Variants in SLC43A1 observed in about 807,000 individuals in gnomAD.
SLC43A1 encodes large neutral amino acids transporter small subunit 3.
In SLC43A1, 31 loss-of-function variants were observed where a neutral mutation model predicts 59.5. The observed-to-expected ratio is 0.52, with a 90% CI of 0.39 to 0.70. SLC43A1 has a LOEUF of 0.70. Among genes scored for constraint, SLC43A1 ranks in the 30% least tolerant of loss-of-function variants. SLC43A1 has a pLI of 0.00. For missense variants in SLC43A1, 598 were observed against 717.8 expected (o/e 0.83, Z 1.91); for synonymous variants, 259 against 290.9 (o/e 0.89, Z 1.12).
At chr11:57,503,683 A>G (rs1944325229) in intron 2 of SLC43A1, among the ~76,000 whole-genome samples, 1 of 152,184 alleles carries the variant, frequency 6.6e-6, no homozygotes, top group South Asian at 2.1e-4. Context: ...GATATTTACT[A>G]TACAACAGCA....
intron 6 of SLC43A1, among the ~76,000 whole-genome samples, chr11:57,496,490 T>G (rs1032823621): frequency 6.6e-6 from 1 of 152,204 alleles, no homozygotes; most frequent in East Asian, 1.9e-4. Flanking sequence ...TCCACAAACA[T>G]TCATGTTCAT....
chr11:57,497,708 C>G, intron 6 of SLC43A1, 45 bp downstream of exon 6: 1 of 1,495,738 alleles, frequency 6.7e-7, no homozygotes, highest in Non-Finnish European at 9.3e-7. Flanking sequence ...CGGCCCCACC[C>G]GGTTCTTGTG....
intron 14 of SLC43A1, 85 bp downstream of exon 14, chr11:57,487,010 G>A: frequency 6.9e-7 from 1 of 1,454,746 alleles, no homozygotes; most frequent in South Asian, 1.2e-5. Context: ...GCTGAGATGA[G>A]TGAGGGATGG....
At chr11:57,499,256 A>G (rs1391216688) in intron 5 of SLC43A1, among the ~76,000 whole-genome samples, 2 of 151,728 alleles carry the variant, frequency 1.3e-5, no homozygotes, top group East Asian at 3.9e-4. Flanking sequence ...CCTAGGAGGC[A>G]GAGGTTGCAG....
intron 13 of SLC43A1, among the ~76,000 whole-genome samples, chr11:57,487,525 G>A (rs1382838464): frequency 1.3e-5 from 2 of 152,088 alleles, no homozygotes; most frequent in Non-Finnish European, 2.9e-5. Flanking sequence ...ACTGTATTCT[G>A]TCAACAAACA....
intron 7 of SLC43A1, among the ~76,000 whole-genome samples, chr11:57,495,704 A>G (rs1944059312): frequency 6.6e-6 from 1 of 152,150 alleles, no homozygotes; most frequent in Admixed American, 6.5e-5. Flanking sequence ...GTGTGCCTGT[A>G]ACCCCAGCTC....
Position 57,484,844 on chromosome 11 carries a change from A to C in SLC43A1, c.*252T>G. ...AGGCACCCTGGTCTCCTCCAACCCA[A>C]GGAGGAAGAAGGCTCAACCCCTCTA... On this transcript the variant is annotated 3_prime_UTR_variant, in exon 15 of 15. Coordinates refer to ENST00000278426, the MANE Select transcript of SLC43A1 (RefSeq NM_003627.6). 1 of 400,572 alleles carries C rather than the reference A, an allele frequency of 2.5e-6. No homozygotes were observed. The allele number at this position is 400,572 out of a possible 1,614,324, so 24.8% of individuals were successfully genotyped here. A position where few individuals can be genotyped will look rare whatever the true frequency, so the allele number is the denominator to read the frequency against.
rs74574831 is a variant in SLC43A1 at position 57,506,860 on chromosome 11, T to C, written c.155-5531A>G. ...AACAAACAGTAAATGCCTAAAGAAC[T>C]TTAGCAATTGTTTTATTTGGGCACT... is the stretch of plus-strand genomic sequence containing the variant. On this transcript the variant is annotated intron_variant, in intron 2 of 14. Transcript: ENST00000278426. Among the ~76,000 whole-genome samples, 324 of 152,360 alleles carry C rather than the reference T, an allele frequency of 2.1e-3. 5 individuals carry two copies. The East Asian group carries it at 0.051, about 24-fold the overall frequency.
Position 57,514,113 on chromosome 11 carries a change from C to A in SLC43A1, c.-2G>T. The A allele has an allele frequency of 1.9e-6, 3 of 1,582,284 alleles. No homozygotes were observed. The highest frequency in any genetic ancestry group is 2.6e-6 in the Non-Finnish European group (3 of 1,165,510). On this transcript the variant is annotated 5_prime_UTR_variant, in exon 2 of 15. Coordinates refer to ENST00000278426, the MANE Select transcript of SLC43A1 (RefSeq NM_003627.6). The surrounding 1 kb of genome is among the most constrained non-coding windows in gnomAD (Gnocchi z 5.5). ...CGCCTGTTGCAGCGTGGGGGCCATG[C>A]TGGCCCCGAGCCTGCACAGAAACAG...
chr11:57,491,479 C>T (rs896191913), intron 10 of SLC43A1, 112 bp downstream of exon 10: 26 of 1,574,602 alleles, frequency 1.7e-5, no homozygotes, highest in Admixed American at 5.5e-5. Context: ...CAGACTCTTA[C>T]ATCCCACAAA....
intron 5 of SLC43A1, among the ~76,000 whole-genome samples, chr11:57,499,179 C>G (rs1417683664): frequency 6.6e-6 from 1 of 152,090 alleles, no homozygotes; most frequent in Admixed American, 6.5e-5. Flanking sequence ...AAAAAATTAG[C>G]CGGGCGTGGA....
At chr11:57,511,760 CATT>C (rs1380444067) in intron 2 of SLC43A1, among the ~76,000 whole-genome samples, 3 of 152,158 alleles carry the variant, frequency 2.0e-5, no homozygotes, top group Non-Finnish European at 4.4e-5. Context: ...ACCTCAAAAA[CATT>C]ATGCTAAGTG....
chr11:57,496,049 G>A lies in SLC43A1; in HGVS notation c.674C>T (p.Pro225Leu). 2 of 1,614,134 alleles carry A rather than the reference G, an allele frequency of 1.2e-6. No individual in the cohort carries two copies. Among genetic ancestry groups the A allele is most frequent in the Non-Finnish European group, 1.7e-6 (2 of 1,179,992 alleles). Reference sequence around the variant, plus strand: ...CACTCACGTGTAATTGACTTCCTCAGGGGCAGGAAAGGCTTCGATGGGCCA... The same window carrying A: ...CACTCACGTGTAATTGACTTCCTCAAGGGCAGGAAAGGCTTCGATGGGCCA... ...LNWPIEAFPA[P>L]EEVNYTKKIK... The change falls in exon 7 of 15, where the codon CCT (proline) becomes CTT (leucine). Residue 225 changes from proline (P) to leucine (L), a missense_variant. Pro to Leu is a moderately conservative substitution (Grantham distance 98). Coordinates refer to ENST00000278426, the MANE Select transcript of SLC43A1 (RefSeq NM_003627.6).
At chr11:57,487,254 C>A (rs759421617) in intron 13 of SLC43A1, 36 bp from the exon 14 acceptor site, 1 of 1,598,876 alleles carries the variant, frequency 6.3e-7, no homozygotes, top group African/African-American at 1.3e-5. Context: ...GGGTGTGTGG[C>A]CCTCTCCAGC....
At chr11:57,494,812 C>G (rs749999735) in intron 7 of SLC43A1, among the ~76,000 whole-genome samples, 8 of 152,042 alleles carry the variant, frequency 5.3e-5, no homozygotes, top group Non-Finnish European at 1.2e-4. Context: ...CAGATCTCCT[C>G]CAAACCCAGA....
intron 14 of SLC43A1, 24 bp downstream of exon 14, chr11:57,487,071 C>T (rs1590742453): frequency 6.2e-7 from 1 of 1,612,234 alleles, no homozygotes; most frequent in Non-Finnish European, 8.5e-7. Context: ...CTCCTGCTCC[C>T]CCCACACCAA....
At chr11:57,489,851 C>T (rs895887952) in intron 11 of SLC43A1, among the ~76,000 whole-genome samples, 1 of 152,248 alleles carries the variant, frequency 6.6e-6, no homozygotes, top group African/African-American at 2.4e-5. Context: ...CTCCTGGGGA[C>T]AGCAGCTTGG....
At chr11:57,500,186 C>G (rs1397666868) in intron 5 of SLC43A1, among the ~76,000 whole-genome samples, 1 of 152,198 alleles carries the variant, frequency 6.6e-6, no homozygotes, top group Non-Finnish European at 1.5e-5. Context: ...ATAGGTCAAG[C>G]CATGTGCACG....
At chr11:57,506,191 A>G (rs1028506324) in intron 2 of SLC43A1, among the ~76,000 whole-genome samples, 1 of 152,110 alleles carries the variant, frequency 6.6e-6, no homozygotes, top group African/African-American at 2.4e-5. Context: ...ACAAAAAATA[A>G]AAACATTAGC....
Sources: gnomAD v4.1 joint callset for allele counts (sites outside exome capture counted in the v4.1 genomes callset) on GRCh38, gnomAD v4.1.1 for gene constraint, Gnocchi (gnomAD v3.1) non-coding constraint, MANE v1.5 for transcripts, NCBI Gene and HGNC (gene_info 2026-07-23, HGNC 2026-07-21) for gene names.